The following ARHGAP19 variants were observed in gnomAD, a reference collection of about 807,000 sequenced individuals.
ARHGAP19 encodes the protein Rho GTPase activating protein 19, also known as rho GTPase-activating protein 19.
A neutral mutation model predicts 60.9 loss-of-function variants in ARHGAP19; 48 were observed. That is an observed-to-expected ratio of 0.79 (90% CI 0.62 to 1.00). The LOEUF is 1.00. Ranked by LOEUF, ARHGAP19 falls within the 50% of genes least tolerant of loss-of-function variation. The pLI is 0.00. For missense variants in ARHGAP19, 562 were observed against 597.2 expected, an observed-to-expected ratio of 0.94 and a Z score of 0.61; for synonymous variants, 209 against 215.5, an observed-to-expected ratio of 0.97 and a Z score of 0.27.
In ARHGAP19 at chr10:97,263,531, A is replaced by C; in HGVS notation, c.502T>G (p.Ser168Ala). The part of the protein sequence containing the change: ...LNNGTDIDLE[S>A]GEFHSNDVAT... Reference sequence around the variant, plus strand: ...ACATCATTTGAGTGAAATTCCCCTGATTCCAAGTCAATGTCAGTTCCATTA... The same window carrying C: ...ACATCATTTGAGTGAAATTCCCCTGCTTCCAAGTCAATGTCAGTTCCATTA... Residue 168 changes from serine to alanine, a missense_variant, in exon 4 of 12, where the codon TCA (serine) becomes GCA (alanine). Ser to Ala is a moderately conservative substitution (Grantham distance 99). Coordinates refer to ENST00000358531, the MANE Select transcript of ARHGAP19 (RefSeq NM_032900.6). 6.2e-7 allele frequency: 1 copy of C among 1,614,180 alleles called. No individual in the cohort carries two copies. Among genetic ancestry groups the C allele is most frequent in the Non-Finnish European group, 8.5e-7 (1 of 1,180,030 alleles).
intron 8 of ARHGAP19, among the ~76,000 whole-genome samples, chr10:97,237,041 G>T (rs1842390634): frequency 6.6e-6 from 1 of 152,052 alleles, no homozygotes; most frequent in Non-Finnish European, 1.5e-5. Flanking sequence ...AAAGCCAGCA[G>T]ATCACTTGAG....
chr10:97,269,874 C>A (rs1001252179), intron 1 of ARHGAP19, among the ~76,000 whole-genome samples: 4 of 152,180 alleles, frequency 2.6e-5, no homozygotes, highest in Admixed American at 6.5e-5. Flanking sequence ...ATATCCAGAG[C>A]AAAACTCAGG....
chr10:97,286,536 G>A (rs1444449065), intron 1 of ARHGAP19, among the ~76,000 whole-genome samples: 2 of 152,244 alleles, frequency 1.3e-5, no homozygotes, highest in Non-Finnish European at 2.9e-5. Context: ...AGGTTGCAGT[G>A]AGGCACGATT....
intron 5 of ARHGAP19, among the ~76,000 whole-genome samples, chr10:97,257,439 C>G (rs947074916): frequency 1.4e-4 from 22 of 151,964 alleles, no homozygotes; most frequent in Non-Finnish European, 1.0e-4. Flanking sequence ...AGGCATGTGC[C>G]ACCACGTCCA....
chr10:97,236,803 GAAAAAAAAA>G (rs71007323), intron 8 of ARHGAP19, among the ~76,000 whole-genome samples: 3 of 80,032 alleles, frequency 3.7e-5, no homozygotes, highest in African/African-American at 5.1e-5. Flanking sequence ...AACAGACTCA[GAAAAAAAAA>G]AAAAAAAAAA....
intron 1 of ARHGAP19, among the ~76,000 whole-genome samples, chr10:97,281,317 C>G (rs1444169601): frequency 1.3e-5 from 2 of 152,092 alleles, no homozygotes; most frequent in Non-Finnish European, 2.9e-5. Flanking sequence ...AGGAGGATCA[C>G]CTAAGCCCAG....
chr10:97,259,643 A>C lies in ARHGAP19; in HGVS notation c.614-15T>G. ...CTGCATCAAATCTTGAGGACAAAAG[A>C]GAATTTGCAAAGTGGGGAGAAAATA... On this transcript the variant is annotated splice_polypyrimidine_tract_variant and intron_variant, in intron 4 of 11. Transcript: ENST00000358531. 1.2e-6 allele frequency: 2 copies of C among 1,603,998 alleles called. No individual in the cohort carries two copies. Among genetic ancestry groups the C allele is most frequent in the Non-Finnish European group, 1.7e-6 (2 of 1,170,908 alleles).
At chr10:97,259,658 G>A (rs772022035) in intron 4 of ARHGAP19, 30 bp from the exon 5 acceptor site, 10 of 1,557,028 alleles carry the variant, frequency 6.4e-6, no homozygotes, top group Non-Finnish European at 5.3e-6. Context: ...TTGCAAAGTG[G>A]GGAGAAAATA....
chr10:97,265,746 A>G (rs1388201156), intron 2 of ARHGAP19, 114 bp downstream of exon 2: 4 of 1,396,804 alleles, frequency 2.9e-6, no homozygotes, highest in Non-Finnish European at 3.9e-6. Context: ...AACTGAAAAA[A>G]TGGCCAAAAA....
At chr10:97,285,170 T>C (rs150353468) in intron 1 of ARHGAP19, among the ~76,000 whole-genome samples, 35 of 152,060 alleles carry the variant, frequency 2.3e-4, no homozygotes, top group Middle Eastern at 3.4e-3. Context: ...AGGCCGAAAG[T>C]ATATACTCTT....
At chr10:97,283,506 AT>A (rs1432380259) in intron 1 of ARHGAP19, among the ~76,000 whole-genome samples, 1 of 151,898 alleles carries the variant, frequency 6.6e-6, no homozygotes, top group East Asian at 1.9e-4. Flanking sequence ...GCAAGCTGAG[AT>A]CATGCCACTG....
chr10:97,282,839 C>CTTT (rs56387291), intron 1 of ARHGAP19, among the ~76,000 whole-genome samples: 7 of 90,990 alleles, frequency 7.7e-5, no homozygotes, highest in Admixed American at 1.3e-4. Context: ...TTTCTTTTTT[C>CTTT]TTTTTTTTTT....
chr10:97,245,435 A>C (rs773159796), intron 7 of ARHGAP19, among the ~76,000 whole-genome samples: 1 of 152,074 alleles, frequency 6.6e-6, no homozygotes, highest in Admixed American at 6.6e-5. Flanking sequence ...AGACCTGGGC[A>C]ACATGGTGAA....
At chr10:97,261,223 A>C (rs1010593671) in intron 4 of ARHGAP19, among the ~76,000 whole-genome samples, 2 of 152,234 alleles carry the variant, frequency 1.3e-5, no homozygotes, top group Non-Finnish European at 2.9e-5. Context: ...AGATGTAAAA[A>C]TGATTACAGT....
At chr10:97,260,011 A>G (rs1321740257) in intron 4 of ARHGAP19, among the ~76,000 whole-genome samples, 1 of 150,816 alleles carries the variant, frequency 6.6e-6, no homozygotes, top group Non-Finnish European at 1.5e-5. Flanking sequence ...AATTTTTTGT[A>G]TTTTTAGTAG....
chr10:97,227,652 T>C (rs1352589976), intron 11 of ARHGAP19, among the ~76,000 whole-genome samples: 3 of 152,192 alleles, frequency 2.0e-5, no homozygotes, highest in Non-Finnish European at 1.5e-5. Flanking sequence ...CCTGATCCAA[T>C]TGAGGGTCAT....
In ARHGAP19 at chr10:97,244,220, T is replaced by C. The variant is rs1000774520; in HGVS notation, c.994-61A>G. 3 of 1,429,348 alleles carry C rather than the reference T, an allele frequency of 2.1e-6. No individual in the cohort carries two copies. The Admixed American group carries it at 6.7e-5, about 32-fold the overall frequency. 88.5% of individuals were successfully genotyped at this position (1,429,348 alleles called of 1,614,324 possible). On this transcript the variant is annotated intron_variant, in intron 7 of 11. Transcript: ENST00000358531. ...TCCTGCCAACTTTGTTTTGGGGTTCTTACAAAAACCTGGAACAAAAAAAGG... is the reference window on the plus strand; with the variant it reads ...TCCTGCCAACTTTGTTTTGGGGTTCCTACAAAAACCTGGAACAAAAAAAGG...
intron 5 of ARHGAP19, among the ~76,000 whole-genome samples, chr10:97,257,282 CTTTTT>C (rs34047177): frequency 1.2e-5 from 1 of 81,622 alleles, no homozygotes; most frequent in Non-Finnish European, 2.6e-5. Context: ...CTTTTAAATA[CTTTTT>C]TTTTTTTTTT....
chr10:97,233,448 T>C (rs551604463), intron 9 of ARHGAP19, among the ~76,000 whole-genome samples: 2 of 152,314 alleles, frequency 1.3e-5, no homozygotes, highest in Non-Finnish European at 2.9e-5. Flanking sequence ...TGGAATTATA[T>C]ATCTTAATAA....
Sources: gnomAD v4.1 joint callset for allele counts (sites outside exome capture counted in the v4.1 genomes callset) on GRCh38, gnomAD v4.1.1 for gene constraint, MANE v1.5 for transcripts, NCBI Gene and HGNC (gene_info 2026-07-23, HGNC 2026-07-21) for gene names.